CACNA2D1: variants seen among roughly 807,000 people sequenced by gnomAD.
CACNA2D1 encodes the protein calcium voltage-gated channel auxiliary subunit alpha2delta 1, also known as voltage-dependent calcium channel subunit alpha-2/delta-1.
In CACNA2D1, 53 loss-of-function variants were observed where a neutral mutation model predicts 171.5. That is an observed-to-expected ratio of 0.31 (90% confidence interval 0.25 to 0.39). The LOEUF (loss-of-function observed/expected upper bound fraction) is 0.39. Ranked by LOEUF, CACNA2D1 falls within the 10% of genes least tolerant of loss-of-function variation. The probability of loss-of-function intolerance (pLI) is 1.00; values close to 1 mark genes in which losing one functional copy is unlikely to be tolerated. For missense variants in CACNA2D1, 903 were observed against 1,299.8 expected, an observed-to-expected ratio of 0.69 and a Z score of 4.69; for synonymous variants, 442 against 443.1, an observed-to-expected ratio of 1.00 and a Z score of 0.03.
At chr7:82,005,301 CA>C (rs1306689918) in intron 18 of CACNA2D1, 121 bp downstream of exon 18, 5 of 708,516 alleles carry the variant, frequency 7.1e-6, no homozygotes, top group African/African-American at 3.5e-5. Flanking sequence ...AAGAGAGACG[CA>C]TTAGAGACTG....
At chr7:82,437,713 T>C (rs1830210986) in intron 1 of CACNA2D1, among the ~76,000 whole-genome samples, 1 of 129,346 alleles carries the variant, frequency 7.7e-6, no homozygotes, top group South Asian at 2.7e-4. Flanking sequence ...TGGCAAAATA[T>C]AAAGGAGCAA....
intron 7 of CACNA2D1, among the ~76,000 whole-genome samples, chr7:82,079,743 G>A (rs775812167): frequency 1.3e-5 from 2 of 151,654 alleles, no homozygotes; most frequent in East Asian, 1.9e-4. Flanking sequence ...CTATAATGGC[G>A]GTTACCAAAG....
intron 6 of CACNA2D1, among the ~76,000 whole-genome samples, chr7:82,099,132 T>C (rs1812306732): frequency 6.6e-6 from 1 of 152,154 alleles, no homozygotes; most frequent in Non-Finnish European, 1.5e-5. Context: ...GCATTCTGTA[T>C]CAAACTGACG....
chr7:81,983,067 TAGTA>T (rs1796599740), intron 23 of CACNA2D1, among the ~76,000 whole-genome samples: 1 of 152,124 alleles, frequency 6.6e-6, no homozygotes, highest in South Asian at 2.1e-4. Flanking sequence ...AGGTATGAAT[TAGTA>T]AGTGGAAGGA....
intron 10 of CACNA2D1, among the ~76,000 whole-genome samples, chr7:82,046,567 A>G (rs1804583032): frequency 1.3e-5 from 2 of 152,208 alleles, no homozygotes. Flanking sequence ...CCTAAGCTGC[A>G]GATTGCTCCT....
chr7:81,995,231 A>G (rs1797921875), intron 19 of CACNA2D1, among the ~76,000 whole-genome samples: 1 of 152,204 alleles, frequency 6.6e-6, no homozygotes, highest in Non-Finnish European at 1.5e-5. Flanking sequence ...TATTATGGCT[A>G]GCCACATTGG....
chr7:82,376,734 T>A (rs1291401259), intron 1 of CACNA2D1, among the ~76,000 whole-genome samples: 1 of 152,176 alleles, frequency 6.6e-6, no homozygotes, highest in African/African-American at 2.4e-5. Context: ...GACTAGCAAA[T>A]AAAATATTTG....
At chr7:82,297,086 A>AAAAAAAAAAAAG (rs1812388385) in intron 3 of CACNA2D1, among the ~76,000 whole-genome samples, 1 of 149,168 alleles carries the variant, frequency 6.7e-6, no homozygotes, top group Non-Finnish European at 1.5e-5. Flanking sequence ...AAAAAAAAAA[A>AAAAAAAAAAAAG]AAAAAAAAAA....
At chr7:82,337,792 TTCC>T (rs1291924692) in intron 2 of CACNA2D1, among the ~76,000 whole-genome samples, 2 of 152,178 alleles carry the variant, frequency 1.3e-5, no homozygotes, top group Admixed American at 1.3e-4. Context: ...CAGGATACTT[TTCC>T]TCCTGATACA....
chr7:82,158,798 T>C (rs1794633880), intron 4 of CACNA2D1, among the ~76,000 whole-genome samples: 1 of 151,928 alleles, frequency 6.6e-6, no homozygotes, highest in Non-Finnish European at 1.5e-5. Flanking sequence ...CTTATTAGAA[T>C]ATGTTACTTC....
At chr7:82,309,722 T>C (rs1814190928) in intron 3 of CACNA2D1, among the ~76,000 whole-genome samples, 1 of 152,208 alleles carries the variant, frequency 6.6e-6, no homozygotes, top group Admixed American at 6.5e-5. Flanking sequence ...GAAACACATG[T>C]GTGTCCATGG....
chr7:82,037,838 T>G (rs1803496872), intron 11 of CACNA2D1, among the ~76,000 whole-genome samples: 1 of 152,210 alleles, frequency 6.6e-6, no homozygotes, highest in Non-Finnish European at 1.5e-5. Flanking sequence ...CTTATAAATT[T>G]TTTTAAAACA....
chr7:82,086,773 T>C (rs1810530043), intron 6 of CACNA2D1, among the ~76,000 whole-genome samples: 1 of 152,144 alleles, frequency 6.6e-6, no homozygotes, highest in South Asian at 2.1e-4. Context: ...CATCTAGTTA[T>C]TTTTAATAAA....
chr7:81,973,196 C>G (rs1795471610), intron 25 of CACNA2D1, among the ~76,000 whole-genome samples: 1 of 151,982 alleles, frequency 6.6e-6, no homozygotes, highest in Admixed American at 6.6e-5. Context: ...ATTCAACAAT[C>G]TTATTACAGT....
chr7:82,296,798 T>C (rs993830613), intron 3 of CACNA2D1, among the ~76,000 whole-genome samples: 1 of 152,130 alleles, frequency 6.6e-6, no homozygotes, highest in African/African-American at 2.4e-5. Flanking sequence ...TGTAGGAGCC[T>C]AGCAAATAGT....
chr7:82,403,609 C>A (rs909552686), intron 1 of CACNA2D1, among the ~76,000 whole-genome samples: 4 of 152,180 alleles, frequency 2.6e-5, no homozygotes, highest in Non-Finnish European at 5.9e-5. Flanking sequence ...ACTTACTGAA[C>A]AATAGTGCTA....
chr7:82,143,113 A>G (rs1792587340), intron 4 of CACNA2D1, among the ~76,000 whole-genome samples: 1 of 152,158 alleles, frequency 6.6e-6, no homozygotes, highest in African/African-American at 2.4e-5. Context: ...CAGGAAAAAA[A>G]GTATTTTTTC....
intron 38 of CACNA2D1, among the ~76,000 whole-genome samples, chr7:81,955,960 CTA>C (rs764892530): frequency 3.6e-3 from 235 of 65,836 alleles, no homozygotes; most frequent in Non-Finnish European, 3.9e-3. Context: ...GTCACTGTTG[CTA>C]TATATATATA....
At chr7:82,025,986 G>A (rs906363527) in intron 12 of CACNA2D1, among the ~76,000 whole-genome samples, 3 of 147,008 alleles carry the variant, frequency 2.0e-5, no homozygotes, top group African/African-American at 7.5e-5. Flanking sequence ...ATACATCTTT[G>A]TTATATATTA....
Sources: gnomAD v4.1 joint callset for allele counts (sites outside exome capture counted in the v4.1 genomes callset) on GRCh38, gnomAD v4.1.1 for gene constraint, MANE v1.5 for transcripts, NCBI Gene and HGNC (gene_info 2026-07-23, HGNC 2026-07-21) for gene names.